Variants in ZMIZ1 observed in about 807,000 individuals in gnomAD.
The protein encoded by ZMIZ1 is zinc finger MIZ domain-containing protein 1.
ZMIZ1 carries 17 observed loss-of-function variants against 113.9 expected under a neutral mutation model. The ratio of observed to expected loss-of-function variants is 0.15; its 90% CI spans 0.10 to 0.22. ZMIZ1 has a LOEUF of 0.22. ZMIZ1 is among the 10% of genes least tolerant of loss of function. The pLI, the probability that ZMIZ1 is intolerant of heterozygous loss-of-function variation, is 1.00. For missense variants in ZMIZ1, 1,059 were observed against 1,477.8 expected, an observed-to-expected ratio of 0.72 and a Z score of 4.65; for synonymous variants, 607 against 603.1, an observed-to-expected ratio of 1.01 and a Z score of -0.09.
intron 7 of ZMIZ1, among the ~76,000 whole-genome samples, chr10:79,219,521 G>C (rs1171906766): frequency 2.0e-5 from 3 of 152,140 alleles, no homozygotes; most frequent in Non-Finnish European, 4.4e-5. Flanking sequence ...ACCAGGCCTG[G>C]GCAGCCCTCC....
intron 1 of ZMIZ1, among the ~76,000 whole-genome samples, chr10:79,113,803 T>C (rs1223562483): frequency 6.6e-6 from 1 of 150,596 alleles, no homozygotes; most frequent in African/African-American, 2.4e-5. Context: ...CCCCTCTCCA[T>C]TGATGGCTCC....
intron 1 of ZMIZ1, among the ~76,000 whole-genome samples, chr10:79,115,326 T>C (rs1315727208): frequency 6.6e-6 from 1 of 152,196 alleles, no homozygotes; most frequent in East Asian, 1.9e-4. Context: ...TGGGATCTGA[T>C]GTCTTTCCCT....
chr10:79,236,021 C>A (rs1438916858), intron 7 of ZMIZ1, among the ~76,000 whole-genome samples: 1 of 152,182 alleles, frequency 6.6e-6, no homozygotes, highest in Non-Finnish European at 1.5e-5. Context: ...CCTCTTTACT[C>A]TGATGTCGAT....
intron 1 of ZMIZ1, among the ~76,000 whole-genome samples, chr10:79,116,647 G>T (rs969777355): frequency 2.0e-5 from 3 of 152,178 alleles, no homozygotes; most frequent in Non-Finnish European, 4.4e-5. Context: ...CAGTTGGGTG[G>T]AAAGCCACGG....
intron 18 of ZMIZ1, among the ~76,000 whole-genome samples, chr10:79,303,011 AC>A (rs1183478491): frequency 2.0e-5 from 3 of 151,582 alleles, no homozygotes; most frequent in African/African-American, 7.3e-5. Flanking sequence ...ACAGGCGCCC[AC>A]CACCGCACCT....
intron 4 of ZMIZ1, among the ~76,000 whole-genome samples, chr10:79,166,140 T>G (rs1008584802): frequency 6.6e-6 from 1 of 152,084 alleles, no homozygotes; most frequent in African/African-American, 2.4e-5. Context: ...AGAGGCTGCC[T>G]CCGCCGCCAC....
At position 79,251,534 on chromosome 10, in the gene ZMIZ1, A is replaced by G. The variant is rs535440731; in HGVS notation, c.281-25647A>G. ...AGACACTCCCCCAACCCCTCACCCC[A>G]TACATCTGTTGGGGGTACCTTTTCT... is the stretch of plus-strand genomic sequence containing the variant. On this transcript the variant is annotated intron_variant, in intron 7 of 24. Transcript: ENST00000334512. Among the ~76,000 whole-genome samples the G allele has an allele frequency of 1.2e-4, 19 of 152,120 alleles. No homozygotes were observed. The East Asian group carries it at 1.7e-3, about 14-fold the overall frequency.
intron 8 of ZMIZ1, among the ~76,000 whole-genome samples, chr10:79,284,119 G>A (rs1369890263): frequency 2.0e-4 from 31 of 152,098 alleles, no homozygotes; most frequent in Admixed American, 1.5e-3. Flanking sequence ...CTGCCATAGC[G>A]GGTGCACAGG....
intron 1 of ZMIZ1, among the ~76,000 whole-genome samples, chr10:79,087,411 T>C (rs1017705041): frequency 2.0e-5 from 3 of 152,226 alleles, no homozygotes; most frequent in African/African-American, 7.2e-5. Context: ...TGGGTGTCCA[T>C]GTCCCCATTC....
intron 7 of ZMIZ1, among the ~76,000 whole-genome samples, chr10:79,252,814 C>G (rs944786475): frequency 2.6e-5 from 4 of 152,234 alleles, no homozygotes; most frequent in Admixed American, 6.5e-5. Context: ...ACTAGGCACA[C>G]TGCACCGTCA....
At chr10:79,169,121 C>T (rs1254555227) in intron 4 of ZMIZ1, among the ~76,000 whole-genome samples, 1 of 152,196 alleles carries the variant, frequency 6.6e-6, no homozygotes, top group Admixed American at 6.5e-5. Context: ...TGAATTGCTC[C>T]CGTGGTGCCA....
At chr10:79,202,643 C>T (rs1364988172) in intron 5 of ZMIZ1, among the ~76,000 whole-genome samples, 1 of 152,220 alleles carries the variant, frequency 6.6e-6, no homozygotes, top group Non-Finnish European at 1.5e-5. Flanking sequence ...GGCAAGCTGC[C>T]CAGGAGTTCC....
intron 3 of ZMIZ1, among the ~76,000 whole-genome samples, chr10:79,161,125 G>A (rs946092460): frequency 1.3e-5 from 2 of 152,210 alleles, no homozygotes; most frequent in African/African-American, 4.8e-5. Flanking sequence ...GGATGGTTGT[G>A]TGCCCACACT....
intron 2 of ZMIZ1, among the ~76,000 whole-genome samples, chr10:79,131,721 G>A (rs961176979): frequency 6.6e-6 from 1 of 152,116 alleles, no homozygotes; most frequent in Non-Finnish European, 1.5e-5. Context: ...CCCTGAGTTG[G>A]GGCTGAAGTC....
At chr10:79,205,205 C>T (rs1400445802) in intron 5 of ZMIZ1, among the ~76,000 whole-genome samples, 7 of 152,174 alleles carry the variant, frequency 4.6e-5, no homozygotes, top group African/African-American at 1.4e-4. Context: ...GTACTAGTGT[C>T]CAGTAACAGC....
At chr10:79,277,006 T>A (rs922858781) in intron 7 of ZMIZ1, among the ~76,000 whole-genome samples, 175 bp from the exon 8 acceptor site, 2 of 152,158 alleles carry the variant, frequency 1.3e-5, no homozygotes, top group African/African-American at 4.8e-5. Context: ...AGTCCCATCT[T>A]ACAGTTGAGA....
chr10:79,180,484 C>T (rs1217398575), intron 4 of ZMIZ1, among the ~76,000 whole-genome samples: 1 of 152,196 alleles, frequency 6.6e-6, no homozygotes, highest in East Asian at 1.9e-4. Flanking sequence ...CTCCTCTGTC[C>T]CATGGGCTGT....
chr10:79,136,269 ACCCT>A (rs1265409041), intron 2 of ZMIZ1, among the ~76,000 whole-genome samples: 2 of 151,934 alleles, frequency 1.3e-5, no homozygotes, highest in East Asian at 3.9e-4. Context: ...CCCTCTCCCC[ACCCT>A]CCAGGGTCTC....
At chr10:79,152,851 T>C (rs1005165138) in intron 3 of ZMIZ1, among the ~76,000 whole-genome samples, 1 of 152,272 alleles carries the variant, frequency 6.6e-6, no homozygotes, top group African/African-American at 2.4e-5. Context: ...GCACCACTGC[T>C]GCCTTCACTG....
Sources: gnomAD v4.1 joint callset for allele counts (sites outside exome capture counted in the v4.1 genomes callset) on GRCh38, gnomAD v4.1.1 for gene constraint, MANE v1.5 for transcripts, NCBI Gene and HGNC (gene_info 2026-07-23, HGNC 2026-07-21) for gene names.